ADGRL3: variants seen among roughly 807,000 people sequenced by gnomAD.
ADGRL3 encodes the protein calcium-independent alpha-latrotoxin receptor 3.
A neutral mutation model predicts 153.5 loss-of-function variants in ADGRL3; 62 were observed. That is an observed-to-expected ratio of 0.40 (90% CI 0.33 to 0.50). ADGRL3 has a LOEUF of 0.50. Ranked by LOEUF, ADGRL3 falls within the 20% of genes least tolerant of loss-of-function variation. The probability of loss-of-function intolerance (pLI) is 0.47; values close to 1 mark genes in which losing one functional copy is unlikely to be tolerated. For missense variants in ADGRL3, 1,641 were observed against 1,859.4 expected (o/e 0.88, Z 2.16); for synonymous variants, 710 against 672.5 (o/e 1.06, Z -0.86).
At chr4:61,936,456 G>C (rs1032819712) in intron 15 of ADGRL3, among the ~76,000 whole-genome samples, 2 of 151,910 alleles carry the variant, frequency 1.3e-5, no homozygotes, top group Non-Finnish European at 2.9e-5. Context: ...TTTTGAGAGT[G>C]TTTTTGTGCT....
chr4:62,007,727 C>T (rs1177301637), intron 21 of ADGRL3, among the ~76,000 whole-genome samples: 1 of 151,870 alleles, frequency 6.6e-6, no homozygotes, highest in African/African-American at 2.4e-5. Flanking sequence ...TTCTGCCTCT[C>T]CCAACCAGCC....
At chr4:61,517,651 A>T (rs1439614326) in intron 4 of ADGRL3, 133 bp downstream of exon 4, 13 of 622,600 alleles carry the variant, frequency 2.1e-5, no homozygotes, top group Admixed American at 4.9e-5. Flanking sequence ...GGCTGATATT[A>T]CCACTTAGTG....
intron 3 of ADGRL3, among the ~76,000 whole-genome samples, chr4:61,502,071 G>T (rs994595863): frequency 1.3e-5 from 2 of 152,116 alleles, no homozygotes; most frequent in Non-Finnish European, 2.9e-5. Context: ...TGAAGATAAA[G>T]GATTCTTTTT....
intron 1 of ADGRL3, among the ~76,000 whole-genome samples, chr4:61,278,139 AT>A (rs201427733): frequency 3.6e-4 from 54 of 151,316 alleles, no homozygotes; most frequent in Non-Finnish European, 5.0e-4. Flanking sequence ...TGATCCTTTC[AT>A]TTTTTTTTAA....
rs1471278109 is a variant in ADGRL3, at chr4:61,694,176, ATTATTTTTTT to A, written c.583+17244_583+17253del. Among the ~76,000 whole-genome samples the A allele has an allele frequency of 4.1e-3, 385 of 94,538 alleles. 9 individuals are homozygous for A. Among genetic ancestry groups the A allele is most frequent in the Non-Finnish European group, 6.8e-3 (292 of 42,936 alleles). 62.0% of individuals were successfully genotyped at this position (94,538 alleles called of 152,430 possible). A position where few individuals can be genotyped will look rare whatever the true frequency, so the allele number is the denominator to read the frequency against. The stretch of plus-strand genomic sequence containing the variant: ...TCCTATACTATTTTAAAATTTTGTC[ATTATTTTTTT>A]TTTTTTTTTTTTTTTTTTTTTTTTT... On this transcript the variant is annotated intron_variant, in intron 6 of 26. Transcript: ENST00000683033.
intron 1 of ADGRL3, among the ~76,000 whole-genome samples, chr4:61,273,078 A>G (rs1014061762): frequency 1.3e-5 from 2 of 152,156 alleles, no homozygotes; most frequent in African/African-American, 4.8e-5. Flanking sequence ...TGAGACTGGA[A>G]TGAGTTTTAT....
At chr4:61,219,122 T>A (rs1744223101) in intron 1 of ADGRL3, among the ~76,000 whole-genome samples, 1 of 152,178 alleles carries the variant, frequency 6.6e-6, no homozygotes, top group South Asian at 2.1e-4. Flanking sequence ...CTGATTCATG[T>A]GTAAAGAAGT....
At chr4:61,208,012 C>G (rs1008939396) in intron 1 of ADGRL3, among the ~76,000 whole-genome samples, 4 of 152,148 alleles carry the variant, frequency 2.6e-5, no homozygotes, top group African/African-American at 4.8e-5. Context: ...TTTCATTATT[C>G]TATTTCCAAA....
intron 6 of ADGRL3, among the ~76,000 whole-genome samples, chr4:61,714,311 CAG>C (rs2151522450): frequency 6.7e-6 from 1 of 150,106 alleles, no homozygotes; most frequent in South Asian, 2.1e-4. Flanking sequence ...ATGAGAAAGT[CAG>C]AGTTAAAGAT....
intron 2 of ADGRL3, chr4:61,420,401 C>CATT (rs2097189702): frequency 1.2e-5 from 1 of 82,550 alleles, no homozygotes; most frequent in Non-Finnish European, 2.2e-5. Context: ...CAAAGGAAAG[C>CATT]TTTTTTTTTT....
intron 2 of ADGRL3, among the ~76,000 whole-genome samples, chr4:61,476,849 A>G (rs2098067368): frequency 6.6e-6 from 1 of 151,596 alleles, no homozygotes; most frequent in African/African-American, 2.4e-5. Flanking sequence ...TGCTGGGACT[A>G]CAAACATGAG....
intron 3 of ADGRL3, among the ~76,000 whole-genome samples, chr4:61,511,647 G>T (rs1025083334): frequency 6.6e-6 from 1 of 152,108 alleles, no homozygotes; most frequent in Non-Finnish European, 1.5e-5. Flanking sequence ...CCCACATCAG[G>T]CATACCAGTA....
At chr4:61,702,927 G>A (rs1028814618) in intron 6 of ADGRL3, among the ~76,000 whole-genome samples, 3 of 152,030 alleles carry the variant, frequency 2.0e-5, no homozygotes, top group African/African-American at 7.2e-5. Context: ...TATAATTTGT[G>A]ACTGATTCCA....
chr4:61,350,570 A>G (rs1222989805), intron 1 of ADGRL3, among the ~76,000 whole-genome samples: 1 of 152,086 alleles, frequency 6.6e-6, no homozygotes, highest in Non-Finnish European at 1.5e-5. Flanking sequence ...TTGGTGCCAA[A>G]CAAGTCTTTT....
At chr4:61,829,984 T>A (rs958138555) in intron 9 of ADGRL3, among the ~76,000 whole-genome samples, 1 of 151,582 alleles carries the variant, frequency 6.6e-6, no homozygotes, top group Non-Finnish European at 1.5e-5. Flanking sequence ...CAGGGCAACA[T>A]AACAAGTCTC....
intron 1 of ADGRL3, among the ~76,000 whole-genome samples, chr4:61,285,389 T>C (rs1215712602): frequency 6.6e-6 from 1 of 151,896 alleles, no homozygotes; most frequent in Non-Finnish European, 1.5e-5. Flanking sequence ...GATCTTAAAT[T>C]TGAGGAAATA....
intron 17 of ADGRL3, among the ~76,000 whole-genome samples, chr4:61,963,320 T>C (rs1356119453): frequency 6.6e-6 from 1 of 151,970 alleles, no homozygotes; most frequent in Non-Finnish European, 1.5e-5. Context: ...CATGGGTAAA[T>C]TGCATGTCAC....
At chr4:61,530,992 T>C (rs1310398213) in intron 4 of ADGRL3, among the ~76,000 whole-genome samples, 2 of 152,206 alleles carry the variant, frequency 1.3e-5, no homozygotes, top group Non-Finnish European at 2.9e-5. Flanking sequence ...GAGTTCTTAA[T>C]ATAGTCTGTG....
At chr4:61,303,095 CAT>C (rs1240237949) in intron 1 of ADGRL3, among the ~76,000 whole-genome samples, 1 of 152,172 alleles carries the variant, frequency 6.6e-6, no homozygotes, top group African/African-American at 2.4e-5. Context: ...AATATCAACT[CAT>C]GTGACTATCC....
Sources: allele counts gnomAD v4.1 joint callset (sites outside exome capture counted in the v4.1 genomes callset), GRCh38; gene constraint gnomAD v4.1.1; transcripts MANE v1.5; gene names NCBI Gene and HGNC (gene_info 2026-07-23, HGNC 2026-07-21).